Variants in NPTXR observed in about 807,000 individuals in gnomAD.
NPTXR encodes neuronal pentraxin receptor.
Under a neutral mutation model 32.2 loss-of-function variants are expected in NPTXR, and 12 were observed. The observed-to-expected ratio is 0.37, with a 90% CI of 0.24 to 0.60. The LOEUF is 0.60. NPTXR is among the 20% of genes least tolerant of loss of function. NPTXR has a pLI of 0.66. For missense variants in NPTXR, 612 were observed against 682.9 expected (o/e 0.90, Z 1.16); for synonymous variants, 323 against 315.8 (o/e 1.02, Z -0.24).
intron 2 of NPTXR, 27 bp from the exon 3 acceptor site, chr22:38,826,774 G>A: frequency 1.9e-6 from 3 of 1,596,770 alleles, no homozygotes; most frequent in Non-Finnish European, 2.6e-6. Flanking sequence ...CAGACATGGT[G>A]GAGGTCGGTG....
At chr22:38,835,190 G>A (rs1233608708) in intron 1 of NPTXR, among the ~76,000 whole-genome samples, 3 of 152,176 alleles carry the variant, frequency 2.0e-5, no homozygotes, top group East Asian at 1.9e-4. Flanking sequence ...CCATGGTTCC[G>A]CAGGTGGCGG....
chr22:38,826,400 G>A, intron 3 of NPTXR, 100 bp downstream of exon 3: 2 of 1,370,504 alleles, frequency 1.5e-6, no homozygotes, highest in Non-Finnish European at 2.0e-6. Context: ...AATATGCAGA[G>A]CAGGAGAATG....
At chr22:38,832,112 G>C (rs1035359210) in intron 1 of NPTXR, among the ~76,000 whole-genome samples, 2 of 152,208 alleles carry the variant, frequency 1.3e-5, no homozygotes, top group African/African-American at 4.8e-5. Flanking sequence ...GCGGGCTGAG[G>C]GGGTGTGCGC....
At chr22:38,836,225 G>A (rs1417280607) in intron 1 of NPTXR, among the ~76,000 whole-genome samples, 1 of 152,124 alleles carries the variant, frequency 6.6e-6, no homozygotes, top group Non-Finnish European at 1.5e-5. Flanking sequence ...ACCTTCCGAC[G>A]CTAAATATAT....
intron 3 of NPTXR, among the ~76,000 whole-genome samples, chr22:38,824,521 C>T (rs1377367216): frequency 6.6e-6 from 1 of 152,136 alleles, no homozygotes; most frequent in Admixed American, 6.5e-5. Context: ...CGTCAAAACC[C>T]GTCTGGAAGG....
chr22:38,839,706 G>A (rs1201752361), intron 1 of NPTXR, among the ~76,000 whole-genome samples: 4 of 151,116 alleles, frequency 2.6e-5, no homozygotes, highest in Non-Finnish European at 5.9e-5. Flanking sequence ...CCACTCCTGG[G>A]AATTCAGCCT....
chr22:38,826,517 G>C lies in NPTXR; in HGVS notation c.1081C>G (p.Leu361Val), dbSNP rs2093106900. The change falls in exon 3 of 5, where the codon CTG becomes GTG. Residue 361 changes from leucine to valine, a missense_variant. Leu to Val is a conservative substitution (Grantham distance 32). Transcript: ENST00000333039. ...CTGCCTACCTTGTCGTTGATCAGCA[G>C]CTCCATGGGCTCATGGCCCGCCTCT... is the stretch of plus-strand genomic sequence containing the variant. The C allele has an allele frequency of 6.2e-7, 1 of 1,607,630 alleles. No individual in the cohort carries two copies. Among genetic ancestry groups the C allele is most frequent in the African/African-American group, 1.3e-5 (1 of 74,832 alleles).
chr22:38,823,384 G>C, intron 3 of NPTXR, 122 bp from the exon 4 acceptor site: 3 of 792,642 alleles, frequency 3.8e-6, no homozygotes, highest in Non-Finnish European at 6.0e-6. Context: ...CCCCAGGCCT[G>C]ACCCTCTCCA....
chr22:38,843,185 C>T lies in NPTXR; in HGVS notation c.624+50G>A, dbSNP rs1474802446. The T allele has an allele frequency of 9.5e-6, 12 of 1,266,102 alleles. No homozygotes were observed. Among genetic ancestry groups the T allele is most frequent in the South Asian group, 2.6e-5 (1 of 37,948 alleles). 78.4% of individuals were successfully genotyped at this position (1,266,102 alleles called of 1,614,324 possible). A position where few individuals can be genotyped will look rare whatever the true frequency, so the allele number is the denominator to read the frequency against. ...GGACCGCCGGACGACCGCGGCCGGG[C>T]GGCCCCTCACACCACCCGGGCGGCT... is the stretch of plus-strand genomic sequence containing the variant. On this transcript the variant is annotated intron_variant, in intron 1 of 4. Coordinates refer to ENST00000333039, the MANE Select transcript of NPTXR (RefSeq NM_014293.4). The surrounding 1 kb of genome is among the most constrained non-coding windows in gnomAD (Gnocchi z 5.3).
chr22:38,842,768 G>A (rs2146201529), intron 1 of NPTXR, among the ~76,000 whole-genome samples: 1 of 152,324 alleles, frequency 6.6e-6, no homozygotes, highest in East Asian at 1.9e-4. Context: ...GTGTAATGAG[G>A]GGAGGACCCC....
rs1242533544 is a variant in NPTXR, at chr22:38,820,585, C to T, written c.*2024G>A. On this transcript the variant is annotated 3_prime_UTR_variant, in exon 5 of 5. Transcript: ENST00000333039. Reference sequence around the variant, plus strand: ...GGATCATAACCTCCTCCCCGCACTTCCTGGGGTGGGGATGCCAAGATGTTT... The same window carrying T: ...GGATCATAACCTCCTCCCCGCACTTTCTGGGGTGGGGATGCCAAGATGTTT... The T allele has an allele frequency of 1.3e-5, 2 of 152,192 alleles. No homozygotes were observed. The highest frequency in any genetic ancestry group is 2.9e-5 in the Non-Finnish European group (2 of 68,052). The allele number at this position is 152,192 out of a possible 1,614,324, so 9.4% of individuals were successfully genotyped here.
At chr22:38,841,170 TCCAGCC>T (rs958433008) in intron 1 of NPTXR, among the ~76,000 whole-genome samples, 3 of 152,218 alleles carry the variant, frequency 2.0e-5, no homozygotes, top group African/African-American at 7.2e-5. Flanking sequence ...GTGCTCCAGC[TCCAGCC>T]CCAGCCCCTC....
intron 1 of NPTXR, among the ~76,000 whole-genome samples, chr22:38,830,393 C>T (rs888585791): frequency 2.6e-5 from 4 of 152,218 alleles, no homozygotes; most frequent in African/African-American, 9.6e-5. Context: ...ATGGGACGCT[C>T]TTGCTGCCGG....
intron 1 of NPTXR, among the ~76,000 whole-genome samples, chr22:38,842,339 G>A (rs1051869162): frequency 6.6e-6 from 1 of 152,196 alleles, no homozygotes; most frequent in Non-Finnish European, 1.5e-5. Context: ...CCATGGCTGG[G>A]GTAGTGAATG....
At chr22:38,826,831 C>T (rs577444805) in intron 2 of NPTXR, 84 bp from the exon 3 acceptor site, 677 of 1,497,834 alleles carry the variant, frequency 4.5e-4, no homozygotes, top group Admixed American at 1.8e-3. Context: ...AGAAAGATGG[C>T]TAACAGCTCC....
At chr22:38,839,243 T>C (rs764515258) in intron 1 of NPTXR, among the ~76,000 whole-genome samples, 12 of 152,212 alleles carry the variant, frequency 7.9e-5, no homozygotes, top group Non-Finnish European at 1.6e-4. Context: ...TTCCGTTGTA[T>C]ACATACATTA....
chr22:38,833,035 G>A (rs1229274142), intron 1 of NPTXR, among the ~76,000 whole-genome samples: 1 of 152,048 alleles, frequency 6.6e-6, no homozygotes, highest in East Asian at 1.9e-4. Context: ...CCTTGCTGCA[G>A]GGAGCAGAAG....
At chr22:38,826,844 G>C in intron 2 of NPTXR, 97 bp from the exon 3 acceptor site, 2 of 1,414,496 alleles carry the variant, frequency 1.4e-6, no homozygotes, top group African/African-American at 1.4e-5. Context: ...ACAGCTCCCA[G>C]GCACCTGCTG....
At chr22:38,840,553 G>A (rs1220864973) in intron 1 of NPTXR, among the ~76,000 whole-genome samples, 1 of 152,068 alleles carries the variant, frequency 6.6e-6, no homozygotes, top group Non-Finnish European at 1.5e-5. Flanking sequence ...GAACTGGGGG[G>A]AGAGGGAGGG....
Sources: allele counts gnomAD v4.1 joint callset (sites outside exome capture counted in the v4.1 genomes callset), GRCh38; gene constraint gnomAD v4.1.1; non-coding constraint Gnocchi (gnomAD v3.1); transcripts MANE v1.5; gene names NCBI Gene and HGNC (gene_info 2026-07-23, HGNC 2026-07-21).